Variants in NUTF2 observed in about 807,000 individuals in gnomAD.
NUTF2 encodes the protein placental protein 15.
Under a neutral mutation model 18.5 loss-of-function variants are expected in NUTF2, and 3 were observed. The observed-to-expected ratio is 0.16, with a 90% CI of 0.07 to 0.42. The LOEUF (loss-of-function observed/expected upper bound fraction) is 0.42, where lower values mean the gene tolerates loss of function less well. NUTF2 is among the 10% of genes least tolerant of loss of function. The pLI is 0.99. For synonymous variants in NUTF2, 51 were observed against 57.9 expected, an observed-to-expected ratio of 0.88 and a Z score of 0.54; for missense variants, 44 against 160.7, an observed-to-expected ratio of 0.27 and a Z score of 3.93.
Position 67,871,162 on chromosome 16 carries a change from CTTTTT to C in NUTF2, c.*267_*271del, listed in dbSNP as rs1208303500. On this transcript the variant is annotated 3_prime_UTR_variant, in exon 5 of 5. Coordinates refer to ENST00000219169, the MANE Select transcript of NUTF2 (RefSeq NM_005796.3). Reference sequence around the variant, plus strand: ...GACTTAAGTAATGCAAAAGGTTGTCCTTTTTTTTTTTTTTTTTTTTTTAATCTACT... The same window carrying C: ...GACTTAAGTAATGCAAAAGGTTGTCCTTTTTTTTTTTTTTTTTAATCTACT... The C allele has an allele frequency of 4.6e-4, 69 of 150,774 alleles. No individual in the cohort carries two copies. Among genetic ancestry groups the C allele is most frequent in the East Asian group, 1.4e-3 (9 of 6,622 alleles). The allele number at this position is 150,774 out of a possible 1,614,324, so 9.3% of individuals were successfully genotyped here. A position where few individuals can be genotyped will look rare whatever the true frequency, so the allele number is the denominator to read the frequency against.
chr16:67,863,220 G>C (rs1356313453), intron 1 of NUTF2, among the ~76,000 whole-genome samples: 1 of 152,218 alleles, frequency 6.6e-6, no homozygotes, highest in African/African-American at 2.4e-5. Context: ...TTTCTTGGCA[G>C]AGTATGAACT....
At chr16:67,855,890 G>GGA in intron 1 of NUTF2, 2 of 397,032 alleles carry the variant, frequency 5.0e-6, no homozygotes, top group Non-Finnish European at 9.2e-6. Context: ...TTTTTGGCGG[G>GGA]GGGGGGGGAT....
intron 1 of NUTF2, among the ~76,000 whole-genome samples, chr16:67,862,253 G>A (rs1379854478): frequency 6.6e-6 from 1 of 152,188 alleles, no homozygotes; most frequent in Non-Finnish European, 1.5e-5. Flanking sequence ...TACCAGGTGA[G>A]CTTAGGGCAA....
intron 1 of NUTF2, chr16:67,856,088 G>A (rs2057894795): frequency 1.7e-6 from 1 of 593,330 alleles, no homozygotes; most frequent in South Asian, 2.0e-5. Context: ...CCTGAAGAAG[G>A]TGGACAGGTG....
intron 1 of NUTF2, among the ~76,000 whole-genome samples, chr16:67,848,919 T>G (rs1316473513): frequency 6.6e-6 from 1 of 152,148 alleles, no homozygotes; most frequent in Non-Finnish European, 1.5e-5. Context: ...CAGGTAATGT[T>G]TTTCTGTTCA....
At chr16:67,855,337 C>G (rs1395668572) in intron 1 of NUTF2, among the ~76,000 whole-genome samples, 1 of 152,176 alleles carries the variant, frequency 6.6e-6, no homozygotes, top group East Asian at 1.9e-4. Flanking sequence ...GAGAGGGACA[C>G]GAGGCCCAGG....
chr16:67,868,573 A>C lies in NUTF2; in HGVS notation c.244A>C (p.Ile82Leu). 6.2e-7 allele frequency: 1 copy of C among 1,614,050 alleles called. No individual in the cohort carries two copies. Among genetic ancestry groups the C allele is most frequent in the Non-Finnish European group, 8.5e-7 (1 of 1,179,986 alleles). ...DHQPTPDSCI[I>L]SMVVGQLKAD... ...TCAGCCCACTCCAGATAGCTGCATC[A>C]TCAGCATGGTTGTGGGCCAGCTTAA... Residue 82 changes from isoleucine to leucine, a missense_variant, in exon 4 of 5, where the codon ATC (isoleucine) becomes CTC (leucine). By Grantham distance (5) the Ile-to-Leu change is conservative. Coordinates refer to ENST00000219169, the MANE Select transcript of NUTF2 (RefSeq NM_005796.3).
At chr16:67,866,428 C>T (rs1048320108) in intron 2 of NUTF2, among the ~76,000 whole-genome samples, 1 of 151,104 alleles carries the variant, frequency 6.6e-6, no homozygotes, top group Non-Finnish European at 1.5e-5. Context: ...TGCCTAGCCT[C>T]AGGAGTAGCT....
At chr16:67,848,647 C>G (rs1197970516) in intron 1 of NUTF2, among the ~76,000 whole-genome samples, 1 of 151,260 alleles carries the variant, frequency 6.6e-6, no homozygotes, top group African/African-American at 2.4e-5. Flanking sequence ...GAGGCTGAGG[C>G]AGGAGAATCG....
chr16:67,856,352 T>C (rs1378004181), intron 1 of NUTF2, among the ~76,000 whole-genome samples: 7 of 151,956 alleles, frequency 4.6e-5, no homozygotes. Flanking sequence ...CCACCACGCC[T>C]GGCAAATTTT....
chr16:67,856,349 G>A (rs1411267665), intron 1 of NUTF2, among the ~76,000 whole-genome samples: 4 of 151,400 alleles, frequency 2.6e-5, no homozygotes, highest in Non-Finnish European at 4.4e-5. Flanking sequence ...CCACCACCAC[G>A]CCTGGCAAAT....
intron 1 of NUTF2, among the ~76,000 whole-genome samples, chr16:67,850,017 C>T (rs2151293505): frequency 6.6e-6 from 1 of 152,164 alleles, no homozygotes; most frequent in Non-Finnish European, 1.5e-5. Context: ...GTCTCAAACT[C>T]CTGAGTTCAA....
At chr16:67,868,761 T>G (rs1327398029) in intron 4 of NUTF2, 162 bp downstream of exon 4, 1 of 598,410 alleles carries the variant, frequency 1.7e-6, no homozygotes, top group African/African-American at 1.9e-5. Context: ...CACATGTAGG[T>G]GGCAATTTTT....
In NUTF2 at chr16:67,872,424, C is replaced by A. The variant is rs929394246; in HGVS notation, c.*1511C>A. ...CTCAGGAGATTTCAGTGGGAATGAT[C>A]TCTAGGCTGATGTGTATTTGGGGAA... is the stretch of plus-strand genomic sequence containing the variant. On this transcript the variant is annotated 3_prime_UTR_variant, in exon 5 of 5. Coordinates refer to ENST00000219169, the MANE Select transcript of NUTF2 (RefSeq NM_005796.3). The A allele has an allele frequency of 1.3e-5, 2 of 152,376 alleles. No homozygotes were observed. Among genetic ancestry groups the A allele is most frequent in the African/African-American group, 4.8e-5 (2 of 41,540 alleles). The allele number at this position is 152,376 out of a possible 1,614,324, so 9.4% of individuals were successfully genotyped here. A position where few individuals can be genotyped will look rare whatever the true frequency, so the allele number is the denominator to read the frequency against.
chr16:67,868,636 A>G (rs766916293), intron 4 of NUTF2, 37 bp downstream of exon 4: 2 of 1,583,066 alleles, frequency 1.3e-6, no homozygotes, highest in South Asian at 1.1e-5. Flanking sequence ...AGGGGTGGGC[A>G]GGCAGAGGAG....
chr16:67,864,134 A>C (rs993607236), intron 1 of NUTF2, among the ~76,000 whole-genome samples: 1 of 152,158 alleles, frequency 6.6e-6, no homozygotes, highest in Non-Finnish European at 1.5e-5. Flanking sequence ...ATATCCTAGA[A>C]AGGGCCAGGT....
intron 1 of NUTF2, among the ~76,000 whole-genome samples, chr16:67,861,740 T>A (rs1212954119): frequency 6.6e-6 from 1 of 152,252 alleles, no homozygotes; most frequent in East Asian, 1.9e-4. Context: ...CAGTCTAATG[T>A]GAGGCTGCCT....
At chr16:67,860,899 G>C (rs1362099595) in intron 1 of NUTF2, among the ~76,000 whole-genome samples, 1 of 152,216 alleles carries the variant, frequency 6.6e-6, no homozygotes, top group Non-Finnish European at 1.5e-5. Flanking sequence ...TGACCTCGAA[G>C]GTTTGAGAAA....
At chr16:67,866,816 T>C (rs1317218903) in intron 2 of NUTF2, among the ~76,000 whole-genome samples, 2 of 151,686 alleles carry the variant, frequency 1.3e-5, no homozygotes, top group African/African-American at 4.8e-5. Context: ...CCATGTTGGC[T>C]AGGCTAGTCT....
Sources: allele counts gnomAD v4.1 joint callset (sites outside exome capture counted in the v4.1 genomes callset), GRCh38; gene constraint gnomAD v4.1.1; transcripts MANE v1.5; gene names NCBI Gene and HGNC (gene_info 2026-07-23, HGNC 2026-07-21).